The following ARNT variants were observed in gnomAD, a reference collection of about 807,000 sequenced individuals.
ARNT encodes aryl hydrocarbon receptor nuclear translocator.
A neutral mutation model predicts 105.0 loss-of-function variants in ARNT; 30 were observed. The ratio of observed to expected loss-of-function variants is 0.29; its 90% CI spans 0.21 to 0.39. ARNT has a LOEUF of 0.39. Ranked by LOEUF, ARNT falls within the 10% of genes least tolerant of loss-of-function variation. The pLI is 1.00. For synonymous variants in ARNT, 304 were observed against 344.0 expected, an observed-to-expected ratio of 0.88 and a Z score of 1.29; for missense variants, 748 against 978.7, an observed-to-expected ratio of 0.76 and a Z score of 3.15.
intron 3 of ARNT, among the ~76,000 whole-genome samples, chr1:150,851,719 G>A (rs1261014931): frequency 6.6e-6 from 1 of 152,198 alleles, no homozygotes; most frequent in Non-Finnish European, 1.5e-5. Flanking sequence ...CACAAACACT[G>A]TGGAAGGCCG....
Position 150,815,322 on chromosome 1 carries a change from G to A in ARNT, c.1950+937C>T, listed in dbSNP as rs141091665. On this transcript the variant is annotated intron_variant, in intron 19 of 21. Transcript: ENST00000358595. ...CCAGCACTTTGGGAGGCCGAGGAGG[G>A]CGGATCACGAGGTCAAGAGATCAAG... Among the ~76,000 whole-genome samples the A allele has an allele frequency of 1.7e-3, 255 of 152,136 alleles. 1 individual carries two copies. The highest frequency in any genetic ancestry group is 5.9e-3 in the African/African-American group (247 of 41,528).
At chr1:150,826,799 C>T (rs1221616664) in intron 12 of ARNT, among the ~76,000 whole-genome samples, 182 bp from the exon 13 acceptor site, 1 of 151,974 alleles carries the variant, frequency 6.6e-6, no homozygotes. Flanking sequence ...GGTGTGCTAC[C>T]ACACCTGGCT....
intron 1 of ARNT, among the ~76,000 whole-genome samples, chr1:150,867,736 TA>T (rs1295256633): frequency 6.6e-6 from 1 of 152,110 alleles, no homozygotes; most frequent in African/African-American, 2.4e-5. Flanking sequence ...TATTGGATCA[TA>T]GGGGTGGTTT....
intron 3 of ARNT, among the ~76,000 whole-genome samples, chr1:150,846,567 G>T (rs889874621): frequency 1.3e-5 from 2 of 151,926 alleles, no homozygotes; most frequent in South Asian, 4.1e-4. Flanking sequence ...ACAGCTGACT[G>T]GCCTGTCAGC....
intron 14 of ARNT, among the ~76,000 whole-genome samples, chr1:150,822,841 A>G (rs938154242): frequency 3.3e-5 from 5 of 152,200 alleles, no homozygotes; most frequent in African/African-American, 4.8e-5. Flanking sequence ...ATCTGATGCT[A>G]TCTCCAAGTA....
chr1:150,817,042 C>T (rs1656030420), intron 17 of ARNT, 40 bp downstream of exon 17: 1 of 1,613,482 alleles, frequency 6.2e-7, no homozygotes, highest in Non-Finnish European at 8.5e-7. Context: ...AGTAAGTGAT[C>T]TAAATGAGAA....
chr1:150,862,835 G>A (rs587637299), intron 1 of ARNT, among the ~76,000 whole-genome samples: 117 of 151,248 alleles, frequency 7.7e-4, no homozygotes, highest in African/African-American at 2.6e-3. Context: ...GGCAGATCAC[G>A]ACATCAGGAG....
chr1:150,863,511 A>C (rs1571490233), intron 1 of ARNT, among the ~76,000 whole-genome samples: 1 of 152,060 alleles, frequency 6.6e-6, no homozygotes, highest in Admixed American at 6.6e-5. Context: ...AGTTTCAAAA[A>C]GGTAAATCAA....
intron 14 of ARNT, among the ~76,000 whole-genome samples, 185 bp downstream of exon 14, chr1:150,823,009 C>G (rs1657427332): frequency 6.6e-6 from 1 of 152,150 alleles, no homozygotes; most frequent in Non-Finnish European, 1.5e-5. Flanking sequence ...CTCCACCTCT[C>G]AGGTTCAAGT....
Position 150,819,472 on chromosome 1 carries a change from C to G in ARNT, c.1395-1442G>C, listed in dbSNP as rs587643980. Reference sequence around the variant, plus strand: ...TTTTCAGTTCCTTATCCCTATTTTACATATGGAAGCATTTTTGATAACCAA... The same window carrying G: ...TTTTCAGTTCCTTATCCCTATTTTAGATATGGAAGCATTTTTGATAACCAA... On this transcript the variant is annotated intron_variant, in intron 14 of 21. Coordinates refer to ENST00000358595, the MANE Select transcript of ARNT (RefSeq NM_001668.4). Among the ~76,000 whole-genome samples the G allele has an allele frequency of 5.9e-5, 9 of 152,292 alleles. No individual in the cohort carries two copies. In the South Asian group the frequency reaches 1.9e-3, roughly 32 times the overall value.
intron 5 of ARNT, among the ~76,000 whole-genome samples, chr1:150,841,007 G>T (rs1661197526): frequency 7.4e-6 from 1 of 135,474 alleles, no homozygotes; most frequent in African/African-American, 2.7e-5. Context: ...GGAGTACAGT[G>T]GCGGGATCTC....
chr1:150,874,681 C>T (rs1428025167), intron 1 of ARNT, among the ~76,000 whole-genome samples: 2 of 151,746 alleles, frequency 1.3e-5, no homozygotes, highest in Non-Finnish European at 2.9e-5. Flanking sequence ...GAGCAAGGAG[C>T]AAGACCCTGT....
chr1:150,858,499 C>T, intron 1 of ARNT, 39 bp from the exon 2 acceptor site: 1 of 1,462,996 alleles, frequency 6.8e-7, no homozygotes, highest in Non-Finnish European at 9.4e-7. Flanking sequence ...TTTAAAAAGA[C>T]AGTCCTTGCT....
rs777671918 is a variant in ARNT at position 150,829,183 on chromosome 1, T to C, written c.1077A>G (p.Gln359=). The C allele has an allele frequency of 6.2e-7, 1 of 1,614,166 alleles. No individual in the cohort carries two copies. The highest frequency in any genetic ancestry group is 1.1e-5 in the South Asian group (1 of 91,088). Reference sequence around the variant, plus strand: ...TGTGTCGGGAGATGAACTCTGTTGGTTGACAAACATTACTCATGTCTGTAC... The same window carrying C: ...TGTGTCGGGAGATGAACTCTGTTGGCTGACAAACATTACTCATGTCTGTAC... The part of the protein sequence containing the change: ...PNCTDMSNVC[Q]PTEFISRHNI... Residue 359 remains glutamine (Q), a synonymous_variant, in exon 12 of 22, where the codon CAA becomes CAG. Transcript: ENST00000358595.
Position 150,818,078 on chromosome 1 carries a change from G to C in ARNT, c.1395-48C>G, listed in dbSNP as rs10305738. 1.5e-3 allele frequency: 1,917 copies of C among 1,250,988 alleles called. 10 individuals carry two copies. The highest frequency in any genetic ancestry group is 0.01 in the Middle Eastern group (53 of 5,150). 77.5% of individuals were successfully genotyped at this position (1,250,988 alleles called of 1,614,324 possible). The stretch of plus-strand genomic sequence containing the variant: ...AAAGAGGGGGTGGAGAGGGAGGAAG[G>C]GGGGAGAGAGAGAGAAAGAGAAGAA... On this transcript the variant is annotated intron_variant, in intron 14 of 21. Transcript: ENST00000358595.
intron 3 of ARNT, among the ~76,000 whole-genome samples, chr1:150,847,561 TG>T (rs587773329): frequency 1.1e-3 from 174 of 152,324 alleles, no homozygotes; most frequent in African/African-American, 3.9e-3. Flanking sequence ...AACCTCTCTT[TG>T]GATCTGCATG....
chr1:150,834,722 G>A, intron 7 of ARNT, 82 bp from the exon 8 acceptor site: 1 of 1,194,210 alleles, frequency 8.4e-7, no homozygotes, highest in South Asian at 1.2e-5. Context: ...GCAAAGATAA[G>A]TAAGCATCCT....
At chr1:150,816,504 A>T (rs587642415) in intron 18 of ARNT, 98 bp from the exon 19 acceptor site, 16 of 1,397,692 alleles carry the variant, frequency 1.1e-5, no homozygotes, top group Admixed American at 5.7e-5. Flanking sequence ...GATCCCCTTG[A>T]CTTCCTGCAG....
chr1:150,832,228 G>T, intron 9 of ARNT, 106 bp downstream of exon 9: 1 of 1,162,198 alleles, frequency 8.6e-7, no homozygotes, highest in Non-Finnish European at 1.3e-6. Context: ...GGTAAGGGAT[G>T]CAAGTGAGAG....
Sources: allele counts gnomAD v4.1 joint callset (sites outside exome capture counted in the v4.1 genomes callset), GRCh38; gene constraint gnomAD v4.1.1; transcripts MANE v1.5; gene names NCBI Gene and HGNC (gene_info 2026-07-23, HGNC 2026-07-21).